The following SLC44A5 variants were observed in gnomAD, a reference collection of about 807,000 sequenced individuals.
The protein encoded by SLC44A5 is solute carrier family 44 member 5, also known as choline transporter-like protein 5.
In SLC44A5, 57 loss-of-function variants were observed where a neutral mutation model predicts 101.8. The observed-to-expected ratio is 0.56, with a 90% CI of 0.45 to 0.70. SLC44A5 has a LOEUF of 0.70. Among genes scored for constraint, SLC44A5 ranks in the 30% least tolerant of loss-of-function variants. The pLI is 0.00. For missense variants in SLC44A5, 737 were observed against 853.1 expected, an observed-to-expected ratio of 0.86 and a Z score of 1.70; for synonymous variants, 281 against 290.9, an observed-to-expected ratio of 0.97 and a Z score of 0.35.
At chr1:75,360,952 T>G (rs1239663729) in intron 3 of SLC44A5, among the ~76,000 whole-genome samples, 1 of 152,316 alleles carries the variant, frequency 6.6e-6, no homozygotes, top group Admixed American at 6.5e-5. Context: ...ACAAGATATC[T>G]TTCCATTTAT....
intron 2 of SLC44A5, among the ~76,000 whole-genome samples, chr1:75,449,219 T>C (rs1298389219): frequency 6.6e-6 from 1 of 152,184 alleles, no homozygotes; most frequent in Admixed American, 6.5e-5. Flanking sequence ...GCTGGGGAAG[T>C]CTGCAGCTTT....
intron 7 of SLC44A5, among the ~76,000 whole-genome samples, chr1:75,246,221 A>G (rs1033172170): frequency 6.6e-6 from 1 of 152,124 alleles, no homozygotes; most frequent in African/African-American, 2.4e-5. Context: ...AGTGAATTAC[A>G]TTGAAGGTTA....
intron 4 of SLC44A5, among the ~76,000 whole-genome samples, chr1:75,326,015 T>C (rs1656563121): frequency 6.6e-6 from 1 of 151,628 alleles, no homozygotes; most frequent in Admixed American, 6.6e-5. Context: ...ACTTGTGATG[T>C]CATGTCAGTG....
chr1:75,386,357 A>G (rs1429731904), intron 3 of SLC44A5, among the ~76,000 whole-genome samples: 1 of 152,214 alleles, frequency 6.6e-6, no homozygotes, highest in Admixed American at 6.5e-5. Flanking sequence ...CAACTTCAGC[A>G]AAGTCTCAGG....
At chr1:75,210,401 C>G (rs1380374739) in intron 23 of SLC44A5, among the ~76,000 whole-genome samples, 1 of 152,054 alleles carries the variant, frequency 6.6e-6, no homozygotes, top group Non-Finnish European at 1.5e-5. Flanking sequence ...GTTGCATATG[C>G]AACTATAGGA....
chr1:75,710,579 A>G, the SLC44A5 span: 2 of 150,996 alleles, frequency 1.3e-5, no homozygotes, highest in Non-Finnish European at 2.9e-5. Context: ...AAAAAAAAAA[A>G]AAAAAAAAGG....
intron 7 of SLC44A5, among the ~76,000 whole-genome samples, chr1:75,243,753 T>C (rs1648864745): frequency 6.6e-6 from 1 of 152,064 alleles, no homozygotes; most frequent in South Asian, 2.1e-4. Flanking sequence ...CATGTTGAAA[T>C]TTGATCCCCA....
At chr1:75,273,737 C>G (rs1380023628) in intron 6 of SLC44A5, among the ~76,000 whole-genome samples, 1 of 152,000 alleles carries the variant, frequency 6.6e-6, no homozygotes, top group Non-Finnish European at 1.5e-5. Context: ...TCACTTGATC[C>G]TGATGTATTA....
chr1:75,422,326 C>T (rs562728801), intron 2 of SLC44A5, among the ~76,000 whole-genome samples: 18 of 152,204 alleles, frequency 1.2e-4, no homozygotes, highest in Admixed American at 3.3e-4. Context: ...CATAGGAGGC[C>T]GGAAGAGACT....
chr1:75,563,257 G>C lies in SLC44A5; in HGVS notation c.-69-21741C>G, dbSNP rs551058262. 7.5e-4 allele frequency among the ~76,000 whole-genome samples: 114 copies of C among 152,172 alleles called. 1 individual carries two copies. Among genetic ancestry groups the C allele is most frequent in the African/African-American group, 2.7e-3 (111 of 41,544 alleles). Reference sequence around the variant, plus strand: ...TAAAACTAAATTAAGCAGTTACAGAGATTAACAGCTCAGGACCCATTTCCT... The same window carrying C: ...TAAAACTAAATTAAGCAGTTACAGACATTAACAGCTCAGGACCCATTTCCT... On this transcript the variant is annotated intron_variant, in intron 1 of 23. Coordinates refer to ENST00000370859, the MANE Select transcript of SLC44A5 (RefSeq NM_001130058.2).
rs555877659 is a variant in SLC44A5 at position 75,376,289 on chromosome 1, T to A, written c.52+20294A>T. Among the ~76,000 whole-genome samples the A allele has an allele frequency of 2.5e-3, 384 of 152,294 alleles. 3 individuals are homozygous for A. Among genetic ancestry groups the A allele is most frequent in the African/African-American group, 7.9e-3 (329 of 41,570 alleles). On this transcript the variant is annotated intron_variant, in intron 3 of 23. Transcript: ENST00000370859. Reference sequence around the variant, plus strand: ...GCGCCCGCCATTGCCCAGGCTTGCCTAGGTAAACAAAGCAGCCAGGAAGCT... The same window carrying A: ...GCGCCCGCCATTGCCCAGGCTTGCCAAGGTAAACAAAGCAGCCAGGAAGCT...
intron 5 of SLC44A5, among the ~76,000 whole-genome samples, chr1:75,298,546 A>C (rs1654149684): frequency 6.6e-6 from 1 of 152,110 alleles, no homozygotes; most frequent in African/African-American, 2.4e-5. Context: ...TCTACGGAAG[A>C]GTGGCAGTGG....
At chr1:75,572,983 C>T (rs940824061) in intron 1 of SLC44A5, among the ~76,000 whole-genome samples, 66 of 151,716 alleles carry the variant, frequency 4.4e-4, no homozygotes, top group African/African-American at 1.5e-3. Flanking sequence ...ATTAGCTGGG[C>T]ATAGTGGCAT....
intron 2 of SLC44A5, among the ~76,000 whole-genome samples, chr1:75,469,133 T>C (rs1666972389): frequency 6.6e-6 from 1 of 152,220 alleles, no homozygotes; most frequent in South Asian, 2.1e-4. Context: ...CAACATGTAA[T>C]CAATATAAAT....
chr1:75,570,616 A>G (rs1673022740), intron 1 of SLC44A5, among the ~76,000 whole-genome samples: 1 of 152,198 alleles, frequency 6.6e-6, no homozygotes, highest in Non-Finnish European at 1.5e-5. Flanking sequence ...TTGTTTATAA[A>G]ATGAGAATTT....
At chr1:75,510,184 T>C (rs1669489969) in intron 2 of SLC44A5, among the ~76,000 whole-genome samples, 2 of 152,032 alleles carry the variant, frequency 1.3e-5, no homozygotes. Context: ...CAAGGTGAGA[T>C]TTGGGTGGGG....
chr1:75,316,023 G>A (rs373401373), intron 4 of SLC44A5, among the ~76,000 whole-genome samples: 22 of 152,110 alleles, frequency 1.4e-4, no homozygotes, highest in Admixed American at 9.2e-4. Context: ...TCCAGACAGC[G>A]TCTTGCCCTT....
At chr1:75,318,964 C>T (rs1035040188) in intron 4 of SLC44A5, among the ~76,000 whole-genome samples, 1 of 152,092 alleles carries the variant, frequency 6.6e-6, no homozygotes, top group Non-Finnish European at 1.5e-5. Context: ...CGCACATCTC[C>T]CCAGCTCATA....
the SLC44A5 span, among the ~76,000 whole-genome samples, chr1:75,704,937 G>A: frequency 1.3e-5 from 2 of 152,144 alleles, no homozygotes; most frequent in Admixed American, 1.3e-4. Context: ...CTCTCTAACA[G>A]GTAACTTAGC....
Sources: allele counts gnomAD v4.1 joint callset (sites outside exome capture counted in the v4.1 genomes callset), GRCh38; gene constraint gnomAD v4.1.1; transcripts MANE v1.5; gene names NCBI Gene and HGNC (gene_info 2026-07-23, HGNC 2026-07-21).